The following RTN4RL2 variants were observed in gnomAD, a reference collection of about 807,000 sequenced individuals.
The protein encoded by RTN4RL2 is reticulon-4 receptor-like 2.
A neutral mutation model predicts 27.8 loss-of-function variants in RTN4RL2; 9 were observed. The observed-to-expected ratio is 0.32, with a 90% CI of 0.20 to 0.57. The LOEUF is 0.57. Among genes scored for constraint, RTN4RL2 ranks in the 20% least tolerant of loss-of-function variants. The pLI is 0.90. For missense variants in RTN4RL2, 436 were observed against 596.8 expected, an observed-to-expected ratio of 0.73 and a Z score of 2.81; for synonymous variants, 285 against 297.9, an observed-to-expected ratio of 0.96 and a Z score of 0.45.
intron 2 of RTN4RL2, among the ~76,000 whole-genome samples, 194 bp from the exon 3 acceptor site, chr11:57,475,968 C>T (rs1214713947): frequency 6.6e-6 from 1 of 152,230 alleles, no homozygotes; most frequent in Non-Finnish European, 1.5e-5. Context: ...ACTGACCTCA[C>T]CAATACCACT....
At chr11:57,463,641 C>T (rs951617561) in intron 1 of RTN4RL2, among the ~76,000 whole-genome samples, 1 of 152,046 alleles carries the variant, frequency 6.6e-6, no homozygotes, top group Non-Finnish European at 1.5e-5. Flanking sequence ...CAGTCTCCAC[C>T]GGGAATTCAC....
chr11:57,466,227 G>A (rs868236936), intron 1 of RTN4RL2, among the ~76,000 whole-genome samples: 17 of 151,872 alleles, frequency 1.1e-4, no homozygotes, highest in Admixed American at 2.6e-4. Context: ...GGATGGTCTC[G>A]ATCTCCTGAC....
chr11:57,473,637 T>G (rs1311649587), intron 2 of RTN4RL2, among the ~76,000 whole-genome samples: 1 of 151,318 alleles, frequency 6.6e-6, no homozygotes, highest in East Asian at 1.9e-4. Flanking sequence ...AAGAGCTTAT[T>G]AATGCATAGA....
intron 2 of RTN4RL2, 98 bp downstream of exon 2, chr11:57,468,188 C>A: frequency 7.9e-7 from 1 of 1,259,720 alleles, no homozygotes; most frequent in Non-Finnish European, 1.1e-6. Context: ...TCCTCTCTCC[C>A]CAGGCCACCC....
chr11:57,463,283 C>G (rs1590729751), intron 1 of RTN4RL2, among the ~76,000 whole-genome samples: 1 of 152,282 alleles, frequency 6.6e-6, no homozygotes, highest in East Asian at 1.9e-4. Flanking sequence ...AATGCAGTGC[C>G]TAGGACAAAA....
Position 57,468,045 on chromosome 11 carries a change from C to A in RTN4RL2, c.468C>A (p.Ser156Arg). Residue 156 changes from serine to arginine, a missense_variant, in exon 2 of 3, where the codon AGC becomes AGA. Ser to Arg is a moderately radical substitution (Grantham distance 110, BLOSUM62 -1). Transcript: ENST00000335099. ...LPGNIFRGLVSLQYLYLQENS... is the reference protein window; with the variant it reads ...LPGNIFRGLVRLQYLYLQENS... Reference sequence around the variant, plus strand: ...GCAACATCTTCCGAGGCCTGGTCAGCCTGCAGTACCTCTACCTCCAGGAGA... The same window carrying A: ...GCAACATCTTCCGAGGCCTGGTCAGACTGCAGTACCTCTACCTCCAGGAGA... The A allele has an allele frequency of 1.9e-6, 3 of 1,599,444 alleles. No individual in the cohort carries two copies. The highest frequency in any genetic ancestry group is 2.5e-6 in the Non-Finnish European group (3 of 1,179,598).
At chr11:57,469,013 G>A (rs1247237978) in intron 2 of RTN4RL2, 1 of 623,822 alleles carries the variant, frequency 1.6e-6, no homozygotes, top group East Asian at 2.7e-5. Flanking sequence ...GGCTGGAAGG[G>A]GGTGAAAATA....
rs566867087 is a variant in RTN4RL2 at position 57,466,607 on chromosome 11, G to A, written c.32-1002G>A. 5.9e-5 allele frequency among the ~76,000 whole-genome samples: 9 copies of A among 152,244 alleles called. No individual in the cohort carries two copies. In the South Asian group the frequency reaches 6.2e-4, roughly 11 times the overall value. On this transcript the variant is annotated intron_variant, in intron 1 of 2. Coordinates refer to ENST00000335099, the MANE Select transcript of RTN4RL2 (RefSeq NM_178570.3). ...GGCTGGTGGCCTCACTTAGAGACCCGACCCTTAAGGCCCCTCCCGGCACAA... is the reference window on the plus strand; with the variant it reads ...GGCTGGTGGCCTCACTTAGAGACCCAACCCTTAAGGCCCCTCCCGGCACAA...
rs1035102309 is a variant in RTN4RL2 at position 57,476,321 on chromosome 11, G to A, written c.673G>A (p.Gly225Ser). 6.2e-7 allele frequency: 1 copy of A among 1,611,066 alleles called. No homozygotes were observed. Among genetic ancestry groups the A allele is most frequent in the Non-Finnish European group, 8.5e-7 (1 of 1,178,908 alleles). ...GGGCGTGCACCGCGCGGCCTTCCGC[G>A]GCCTCAGCCGCCTCACCATCCTCTA... ...LQGVHRAAFR[G>S]LSRLTILYLF... The change falls in exon 3 of 3, where the codon GGC becomes AGC. Residue 225 changes from glycine to serine, a missense_variant. This residue lies in a region of RTN4RL2 where 365 missense variants were observed against 530.5 expected (regional missense o/e 0.69). Transcript: ENST00000335099. This position sits in a 1 kb window ranked among gnomAD's most constrained non-coding sequence, Gnocchi z 8.2.
intron 2 of RTN4RL2, among the ~76,000 whole-genome samples, chr11:57,473,379 A>C (rs1026569808): frequency 2.6e-5 from 4 of 152,160 alleles, no homozygotes; most frequent in African/African-American, 9.7e-5. Context: ...TTAGTGTCAG[A>C]GCCAAGAGCT....
intron 1 of RTN4RL2, among the ~76,000 whole-genome samples, chr11:57,465,313 C>T (rs1943514380): frequency 2.0e-5 from 3 of 152,232 alleles, no homozygotes; most frequent in South Asian, 2.1e-4. Context: ...TTCACGCACA[C>T]GGCAACCTCA....
At chr11:57,470,811 A>G (rs1481305329) in intron 2 of RTN4RL2, among the ~76,000 whole-genome samples, 2 of 152,102 alleles carry the variant, frequency 1.3e-5, no homozygotes, top group Non-Finnish European at 2.9e-5. Flanking sequence ...CTATTTTCTG[A>G]CTTATTTAAC....
At chr11:57,463,505 G>A (rs112006076) in intron 1 of RTN4RL2, among the ~76,000 whole-genome samples, 109 of 152,240 alleles carry the variant, frequency 7.2e-4, no homozygotes, top group Middle Eastern at 3.4e-3. Context: ...GGAGGCCTGG[G>A]GTGCTCAGAA....
At chr11:57,466,973 ACGTTAGT>A (rs1326319244) in intron 1 of RTN4RL2, among the ~76,000 whole-genome samples, 2 of 152,260 alleles carry the variant, frequency 1.3e-5, no homozygotes, top group African/African-American at 2.4e-5. Context: ...AGAAACCCTG[ACGTTAGT>A]CTTTTGACAT....
chr11:57,468,222 C>A, intron 2 of RTN4RL2, 132 bp downstream of exon 2: 1 of 964,530 alleles, frequency 1.0e-6, no homozygotes, highest in Non-Finnish European at 1.5e-6. Context: ...ATCTCCATTT[C>A]TCTCTGTCTA....
intron 2 of RTN4RL2, chr11:57,468,784 G>A: frequency 1.3e-6 from 2 of 1,504,952 alleles, no homozygotes; most frequent in Non-Finnish European, 1.8e-6. Flanking sequence ...AGAAAGAAAA[G>A]GGTAAATCTC....
At chr11:57,468,444 T>C in intron 2 of RTN4RL2, 1 of 908,632 alleles carries the variant, frequency 1.1e-6, no homozygotes, top group South Asian at 1.6e-5. Flanking sequence ...CTGCCTCTTC[T>C]GTCTGTCTCC....
Position 57,474,819 on chromosome 11 carries a change from C to T in RTN4RL2, c.514-1343C>T, listed in dbSNP as rs1011516375. 4.6e-5 allele frequency among the ~76,000 whole-genome samples: 7 copies of T among 152,220 alleles called. No individual in the cohort carries two copies. In the South Asian group the frequency reaches 1.0e-3, roughly 22 times the overall value. ...CCACTGGCCGTGGGCCACACACACCCGCCGCCCCCCGCTGTTAATTCTGAA... is the reference window on the plus strand; with the variant it reads ...CCACTGGCCGTGGGCCACACACACCTGCCGCCCCCCGCTGTTAATTCTGAA... On this transcript the variant is annotated intron_variant, in intron 2 of 2. Coordinates refer to ENST00000335099, the MANE Select transcript of RTN4RL2 (RefSeq NM_178570.3).
At position 57,465,990 on chromosome 11, in the gene RTN4RL2, ATTTTTTTTTTTT is replaced by A. The variant is rs35174184; in HGVS notation, c.32-1602_32-1591del. ...AACATAGCAAGACCCCATGCCTACA[ATTTTTTTTTTTT>A]TTTTTTTTTTTTTTTTGATACAGAG... On this transcript the variant is annotated intron_variant, in intron 1 of 2. Coordinates refer to ENST00000335099, the MANE Select transcript of RTN4RL2 (RefSeq NM_178570.3). Among the ~76,000 whole-genome samples, 219 of 77,906 alleles carry A rather than the reference ATTTTTTTTTTTT, an allele frequency of 2.8e-3. 1 individual carries two copies. The highest frequency in any genetic ancestry group is 3.9e-3 in the Non-Finnish European group (165 of 42,262). The allele number at this position is 77,906 out of a possible 152,430, so 51.1% of individuals were successfully genotyped here.
Sources: allele counts gnomAD v4.1 joint callset (sites outside exome capture counted in the v4.1 genomes callset), GRCh38; gene constraint gnomAD v4.1.1; regional missense constraint gnomAD v4.1.1; non-coding constraint Gnocchi (gnomAD v3.1); transcripts MANE v1.5; gene names NCBI Gene and HGNC (gene_info 2026-07-23, HGNC 2026-07-21).